MACROD2: variants seen among roughly 807,000 people sequenced by gnomAD.
MACROD2 encodes ADP-ribose glycohydrolase MACROD2.
In MACROD2, 36 loss-of-function variants were observed where a neutral mutation model predicts 70.4. That is an observed-to-expected ratio of 0.51 (90% confidence interval 0.39 to 0.68). MACROD2 has a LOEUF of 0.68. MACROD2 is among the 30% of genes least tolerant of loss of function. The probability of loss-of-function intolerance (pLI) is 0.00; values close to 1 mark genes in which losing one functional copy is unlikely to be tolerated. For synonymous variants in MACROD2, 172 were observed against 178.8 expected (o/e 0.96, Z 0.30); for missense variants, 496 against 538.4 (o/e 0.92, Z 0.78).
intron 3 of MACROD2, among the ~76,000 whole-genome samples, chr20:14,118,906 C>A (rs915774441): frequency 6.9e-6 from 1 of 144,972 alleles, no homozygotes; most frequent in Non-Finnish European, 1.5e-5. Context: ...AGTGCAATGG[C>A]GCGATCTCAG....
At chr20:15,548,674 G>A (rs2048056505) in intron 8 of MACROD2, among the ~76,000 whole-genome samples, 1 of 152,194 alleles carries the variant, frequency 6.6e-6, no homozygotes, top group South Asian at 2.1e-4. Context: ...GATTACAGGT[G>A]TGAGCCACTG....
intron 7 of MACROD2, among the ~76,000 whole-genome samples, chr20:15,447,051 CGTGTGTGTGTGT>C (rs57914856): frequency 6.8e-5 from 10 of 146,554 alleles, no homozygotes; most frequent in East Asian, 2.0e-4. Flanking sequence ...TAAGAGTGTG[CGTGTGTGTGTGT>C]GTGTGTGTGT....
rs145547115 is a variant in MACROD2, at chr20:15,866,377, C to T, written c.727+3551C>T. 3.4e-3 allele frequency among the ~76,000 whole-genome samples: 509 copies of T among 150,852 alleles called. 2 individuals are homozygous for T. Among genetic ancestry groups the T allele is most frequent in the African/African-American group, 0.012 (483 of 40,994 alleles). ...CACCACTGAACTCCAGCCTGGGTGA[C>T]GAAGCAAGACCCCATCTCTAAAAAA... On this transcript the variant is annotated intron_variant, in intron 9 of 17. Transcript: ENST00000684519.
At chr20:15,625,903 C>A (rs1200259897) in intron 8 of MACROD2, among the ~76,000 whole-genome samples, 26 of 75,650 alleles carry the variant, frequency 3.4e-4, no homozygotes, top group Non-Finnish European at 4.2e-4. Flanking sequence ...TCCTTGGCCA[C>A]AAAAAAAAAA....
intron 6 of MACROD2, among the ~76,000 whole-genome samples, chr20:15,406,662 C>G (rs76654394): frequency 1.3e-5 from 2 of 152,074 alleles, no homozygotes; most frequent in Non-Finnish European, 2.9e-5. Flanking sequence ...ATAAACTTTA[C>G]TAGGCTGGGC....
At chr20:15,945,019 G>A (rs2065802263) in intron 12 of MACROD2, among the ~76,000 whole-genome samples, 2 of 152,114 alleles carry the variant, frequency 1.3e-5, no homozygotes, top group Non-Finnish European at 2.9e-5. Context: ...CTTGGGCCCA[G>A]ATTCCAACCC....
intron 8 of MACROD2, among the ~76,000 whole-genome samples, chr20:15,585,767 AT>A (rs11296680): frequency 0.92 from 137,746 of 149,546 alleles, 63,496 homozygotes; most frequent in East Asian, 0.98. Flanking sequence ...TCACTGCCTC[AT>A]TTTTTTTTTT....
At chr20:14,554,674 G>A (rs1033352309) in intron 4 of MACROD2, among the ~76,000 whole-genome samples, 5 of 152,038 alleles carry the variant, frequency 3.3e-5, no homozygotes, top group African/African-American at 1.2e-4. Flanking sequence ...TGCCACTTAT[G>A]CCTAAGAGAT....
chr20:14,609,467 A>C (rs1271020246), intron 4 of MACROD2, among the ~76,000 whole-genome samples: 1 of 152,084 alleles, frequency 6.6e-6, no homozygotes, highest in Non-Finnish European at 1.5e-5. Flanking sequence ...GGAAGTACTT[A>C]AAGGTCACTT....
intron 3 of MACROD2, among the ~76,000 whole-genome samples, chr20:14,120,057 C>CA (rs1312760901): frequency 2.6e-5 from 4 of 151,124 alleles, no homozygotes; most frequent in Non-Finnish European, 4.4e-5. Flanking sequence ...AAAAAAAATA[C>CA]AAAAAATTAG....
At chr20:15,711,503 G>A (rs1260319084) in intron 8 of MACROD2, among the ~76,000 whole-genome samples, 4 of 152,146 alleles carry the variant, frequency 2.6e-5, no homozygotes, top group Admixed American at 1.3e-4. Flanking sequence ...TCAGCTGCTG[G>A]CCTTCCCCGG....
chr20:14,499,126 G>C (rs13037403), intron 4 of MACROD2, among the ~76,000 whole-genome samples: 23,177 of 152,242 alleles, frequency 0.15, 2,522 homozygotes, highest in Non-Finnish European at 0.22. Context: ...TTTCAGTCCT[G>C]AGAGAGCAGC....
chr20:14,682,048 C>G (rs2070939041), intron 4 of MACROD2, among the ~76,000 whole-genome samples: 1 of 152,114 alleles, frequency 6.6e-6, no homozygotes, highest in South Asian at 2.1e-4. Flanking sequence ...TATTAAATAG[C>G]TCTTCAGCTA....
Position 14,548,489 on chromosome 20 carries a change from C to T in MACROD2, c.301+54981C>T, listed in dbSNP as rs1418613112. On this transcript the variant is annotated intron_variant, in intron 4 of 17. Transcript: ENST00000684519. ...ATCCCAGCACTTTGGGAGGCTGAGGCGGGCGGATCACGAGGTCAGGAGATC... is the reference window on the plus strand; with the variant it reads ...ATCCCAGCACTTTGGGAGGCTGAGGTGGGCGGATCACGAGGTCAGGAGATC... Among the ~76,000 whole-genome samples the T allele has an allele frequency of 2.7e-4, 4 of 14,860 alleles. 1 individual carries two copies. The highest frequency in any genetic ancestry group is 5.5e-4 in the African/African-American group (4 of 7,244). The allele number at this position is 14,860 out of a possible 152,430, so 9.7% of individuals were successfully genotyped here.
chr20:15,912,980 G>C (rs996199563), intron 10 of MACROD2, among the ~76,000 whole-genome samples: 1 of 152,152 alleles, frequency 6.6e-6, no homozygotes, highest in Non-Finnish European at 1.5e-5. Flanking sequence ...ATCTGGGTTT[G>C]AATCCCAGCT....
chr20:15,583,035 G>A lies in MACROD2; in HGVS notation c.645+83188G>A, dbSNP rs8123093. The stretch of plus-strand genomic sequence containing the variant: ...AAAAATATGATTTCTTGAAGAGAGA[G>A]GGAGGAGAAGAGAAAAAAAAAATAA... On this transcript the variant is annotated intron_variant, in intron 8 of 17. Transcript: ENST00000684519. Among the ~76,000 whole-genome samples the A allele has an allele frequency of 7.1e-3, 1,072 of 149,948 alleles. 2 individuals are homozygous for A. The highest frequency in any genetic ancestry group is 0.012 in the Non-Finnish European group (809 of 67,984).
intron 5 of MACROD2, among the ~76,000 whole-genome samples, chr20:14,748,622 A>G (rs2071830104): frequency 2.0e-5 from 3 of 152,158 alleles, no homozygotes; most frequent in Admixed American, 2.0e-4. Context: ...ATCATTGCTT[A>G]GTATAAGGGT....
intron 5 of MACROD2, among the ~76,000 whole-genome samples, chr20:14,718,672 C>A (rs948655221): frequency 6.6e-6 from 1 of 152,120 alleles, no homozygotes; most frequent in African/African-American, 2.4e-5. Flanking sequence ...AGAATCAGAG[C>A]AGCCTGAAAC....
At chr20:15,468,287 A>G (rs1015298541) in intron 7 of MACROD2, among the ~76,000 whole-genome samples, 1 of 151,982 alleles carries the variant, frequency 6.6e-6, no homozygotes, top group Non-Finnish European at 1.5e-5. Flanking sequence ...CCATACTTCT[A>G]TTCAATTAAA....
Sources: allele counts gnomAD v4.1 joint callset (sites outside exome capture counted in the v4.1 genomes callset), GRCh38; gene constraint gnomAD v4.1.1; transcripts MANE v1.5; gene names NCBI Gene and HGNC (gene_info 2026-07-23, HGNC 2026-07-21).